PRKCA: variants seen among roughly 807,000 people sequenced by gnomAD.
PRKCA encodes protein kinase C alpha type.
In PRKCA, 27 loss-of-function variants were observed where a neutral mutation model predicts 87.0. The ratio of observed to expected loss-of-function variants is 0.31; its 90% CI spans 0.23 to 0.43. PRKCA has a LOEUF of 0.43. Among genes scored for constraint, PRKCA ranks in the 20% least tolerant of loss-of-function variants. The pLI is 1.00. For synonymous variants in PRKCA, 329 were observed against 311.1 expected, an observed-to-expected ratio of 1.06 and a Z score of -0.61; for missense variants, 518 against 852.3, an observed-to-expected ratio of 0.61 and a Z score of 4.88.
chr17:66,617,255 G>A (rs149317735), intron 3 of PRKCA, among the ~76,000 whole-genome samples: 47 of 152,152 alleles, frequency 3.1e-4, no homozygotes, highest in African/African-American at 1.0e-3. Context: ...GACCTACCTC[G>A]GTATGGGCTG....
At chr17:66,588,723 C>T (rs537206161) in intron 3 of PRKCA, among the ~76,000 whole-genome samples, 11 of 142,314 alleles carry the variant, frequency 7.7e-5, no homozygotes, top group African/African-American at 2.9e-4. Flanking sequence ...TCACTGCAAC[C>T]TCTGCCTCCC....
intron 3 of PRKCA, among the ~76,000 whole-genome samples, chr17:66,564,022 CTTTCTT>C: frequency 7.5e-6 from 1 of 133,382 alleles, no homozygotes; most frequent in Non-Finnish European, 1.8e-5. Flanking sequence ...TTCTCTCTCT[CTTTCTT>C]TCTTCCTCTC....
At chr17:66,782,116 G>A (rs750410049) in intron 14 of PRKCA, among the ~76,000 whole-genome samples, 1 of 151,998 alleles carries the variant, frequency 6.6e-6, no homozygotes, top group Non-Finnish European at 1.5e-5. Context: ...GTTTCACCAT[G>A]TTGGCCAGGC....
intron 5 of PRKCA, among the ~76,000 whole-genome samples, chr17:66,663,562 G>T (rs973073777): frequency 2.0e-5 from 3 of 152,172 alleles, no homozygotes; most frequent in African/African-American, 7.2e-5. Flanking sequence ...TAAAGGGAAT[G>T]ACTTCATGGA....
intron 5 of PRKCA, among the ~76,000 whole-genome samples, chr17:66,673,758 CATTTT>C (rs1972253186): frequency 6.6e-6 from 1 of 152,212 alleles, no homozygotes; most frequent in Non-Finnish European, 1.5e-5. Flanking sequence ...GACACCTGTG[CATTTT>C]ATTTCCTGAA....
chr17:66,468,367 G>A lies in PRKCA; in HGVS notation c.206-27834G>A, dbSNP rs757037128. On this transcript the variant is annotated intron_variant, in intron 2 of 16. Transcript: ENST00000413366. ...GTCCTCATTTGTGTGGGCTGACTGGGTCGCTGGCTGTGGGAGGCACACATT... is the reference window on the plus strand; with the variant it reads ...GTCCTCATTTGTGTGGGCTGACTGGATCGCTGGCTGTGGGAGGCACACATT... 7.3e-4 allele frequency among the ~76,000 whole-genome samples: 111 copies of A among 152,314 alleles called. 1 individual carries two copies. Among genetic ancestry groups the A allele is most frequent in the Non-Finnish European group, 1.0e-3 (71 of 68,026 alleles).
At chr17:66,735,447 A>G (rs1339559580) in intron 9 of PRKCA, 42 bp from the exon 10 acceptor site, 3 of 1,612,700 alleles carry the variant, frequency 1.9e-6, no homozygotes, top group East Asian at 4.5e-5. Flanking sequence ...CCCCCAAGAT[A>G]TGTGCTTACA....
At chr17:66,672,612 GA>G (rs932172690) in intron 5 of PRKCA, among the ~76,000 whole-genome samples, 46 of 152,096 alleles carry the variant, frequency 3.0e-4, no homozygotes, top group African/African-American at 1.1e-3. Context: ...AATAGAACAA[GA>G]AAAAAAGTAT....
rs560286009 is a variant in PRKCA at position 66,590,793 on chromosome 17, T to C, written c.289-50562T>C. 5.3e-5 allele frequency among the ~76,000 whole-genome samples: 8 copies of C among 151,740 alleles called. No individual in the cohort carries two copies. The South Asian group carries it at 1.7e-3, about 32-fold the overall frequency. ...TGAACCCGGGAGGCGGAGATTGCAGTGAGCCGAGATCACGCTACTGCACTC... is the reference window on the plus strand; with the variant it reads ...TGAACCCGGGAGGCGGAGATTGCAGCGAGCCGAGATCACGCTACTGCACTC... On this transcript the variant is annotated intron_variant, in intron 3 of 16. Coordinates refer to ENST00000413366, the MANE Select transcript of PRKCA (RefSeq NM_002737.3).
chr17:66,727,812 A>G (rs973572661), intron 8 of PRKCA, among the ~76,000 whole-genome samples: 2 of 152,102 alleles, frequency 1.3e-5, no homozygotes, highest in Non-Finnish European at 2.9e-5. Flanking sequence ...GGTGCTGGCC[A>G]AAGGTCTGGA....
At chr17:66,606,151 A>G (rs1598808896) in intron 3 of PRKCA, among the ~76,000 whole-genome samples, 1 of 152,196 alleles carries the variant, frequency 6.6e-6, no homozygotes, top group East Asian at 1.9e-4. Context: ...GCACTTTGGG[A>G]GGCTGAGGTG....
At chr17:66,650,424 C>T (rs1432509406) in intron 5 of PRKCA, among the ~76,000 whole-genome samples, 6 of 150,324 alleles carry the variant, frequency 4.0e-5, no homozygotes, top group Admixed American at 2.0e-4. Context: ...TTTGTAAATT[C>T]GGTTTATAGG....
chr17:66,791,416 C>T (rs1975530959), intron 16 of PRKCA, among the ~76,000 whole-genome samples: 1 of 152,106 alleles, frequency 6.6e-6, no homozygotes, highest in South Asian at 2.1e-4. Context: ...TACAGACAGA[C>T]AGGAAATGGA....
At chr17:66,738,655 A>C (rs373159386) in intron 10 of PRKCA, 109 bp from the exon 11 acceptor site, 2 of 839,058 alleles carry the variant, frequency 2.4e-6, no homozygotes, top group South Asian at 2.9e-5. Context: ...ACATCTGCCC[A>C]TGCAGTCCCC....
At chr17:66,555,339 A>C (rs569382991) in intron 3 of PRKCA, among the ~76,000 whole-genome samples, 1 of 152,298 alleles carries the variant, frequency 6.6e-6, no homozygotes, top group African/African-American at 2.4e-5. Context: ...TACAACACAC[A>C]TGTGGCTTCT....
At chr17:66,440,725 T>C (rs1398593154) in intron 2 of PRKCA, among the ~76,000 whole-genome samples, 1 of 151,952 alleles carries the variant, frequency 6.6e-6, no homozygotes, top group Non-Finnish European at 1.5e-5. Context: ...CTCTTCAAGA[T>C]CCCAGCACTT....
At chr17:66,621,964 G>A (rs549612859) in intron 3 of PRKCA, among the ~76,000 whole-genome samples, 10 of 152,282 alleles carry the variant, frequency 6.6e-5, no homozygotes, top group South Asian at 4.1e-4. Flanking sequence ...CAATTTGGGC[G>A]TCCACGGCGG....
chr17:66,632,770 G>A (rs1971057123), intron 3 of PRKCA, among the ~76,000 whole-genome samples: 1 of 152,134 alleles, frequency 6.6e-6, no homozygotes, highest in Admixed American at 6.5e-5. Flanking sequence ...TAACTGCCAT[G>A]GAGTATTCCA....
chr17:66,617,333 C>T (rs937389684), intron 3 of PRKCA, among the ~76,000 whole-genome samples: 1 of 152,034 alleles, frequency 6.6e-6, no homozygotes, highest in Non-Finnish European at 1.5e-5. Flanking sequence ...GGTTTGAAGC[C>T]TCACTTTATT....
Sources: allele counts gnomAD v4.1 joint callset (sites outside exome capture counted in the v4.1 genomes callset), GRCh38; gene constraint gnomAD v4.1.1; transcripts MANE v1.5; gene names NCBI Gene and HGNC (gene_info 2026-07-23, HGNC 2026-07-21).